PTPRD: variants seen among roughly 807,000 people sequenced by gnomAD.
PTPRD encodes the protein protein tyrosine phosphatase receptor type D.
Under a neutral mutation model 214.5 loss-of-function variants are expected in PTPRD, and 34 were observed. That is an observed-to-expected ratio of 0.16 (90% CI 0.12 to 0.21). The LOEUF (loss-of-function observed/expected upper bound fraction) is 0.21, where lower values mean the gene tolerates loss of function less well. Ranked by LOEUF, PTPRD falls within the 10% of genes least tolerant of loss-of-function variation. PTPRD has a pLI of 1.00. For synonymous variants in PTPRD, 1,128 were observed against 845.7 expected (o/e 1.33, Z -5.79); for missense variants, 2,545 against 2,398.7 (o/e 1.06, Z -1.27).
At chr9:8,372,696 T>C (rs775426870) in intron 39 of PTPRD, among the ~76,000 whole-genome samples, 10 of 152,060 alleles carry the variant, frequency 6.6e-5, no homozygotes, top group Non-Finnish European at 1.0e-4. Flanking sequence ...CTCCTTGACC[T>C]TCCAAGGCCT....
chr9:9,432,984 C>G (rs1054424341), intron 8 of PTPRD, among the ~76,000 whole-genome samples: 1 of 152,060 alleles, frequency 6.6e-6, no homozygotes, highest in Non-Finnish European at 1.5e-5. Context: ...GAAATAGTCA[C>G]TGTGGTAGAA....
At chr9:10,043,499 G>A (rs2097333066) in intron 3 of PTPRD, among the ~76,000 whole-genome samples, 1 of 151,784 alleles carries the variant, frequency 6.6e-6, no homozygotes, top group African/African-American at 2.4e-5. Context: ...TTCTCTCAAT[G>A]AAACTCTATG....
At position 8,465,386 on chromosome 9, in the gene PTPRD, C is replaced by T. The variant is rs113135001; in HGVS notation, c.3714+80G>A. ...GAGAAATAATGAGGATGGATATACCCACAAATCCCCAAATAACCACATTCC... is the reference window on the plus strand; with the variant it reads ...GAGAAATAATGAGGATGGATATACCTACAAATCCCCAAATAACCACATTCC... On this transcript the variant is annotated intron_variant, in intron 32 of 45. Coordinates refer to ENST00000381196, the MANE Select transcript of PTPRD (RefSeq NM_002839.4). 956 of 1,324,150 alleles carry T rather than the reference C, an allele frequency of 7.2e-4. 7 individuals are homozygous for T. The African/African-American group carries it at 0.011, about 16-fold the overall frequency. The allele number at this position is 1,324,150 out of a possible 1,614,324, so 82.0% of individuals were successfully genotyped here. A position where few individuals can be genotyped will look rare whatever the true frequency, so the allele number is the denominator to read the frequency against.
intron 5 of PTPRD, among the ~76,000 whole-genome samples, chr9:9,924,842 T>A (rs1038126770): frequency 1.3e-5 from 2 of 152,114 alleles, no homozygotes; most frequent in East Asian, 1.9e-4. Flanking sequence ...CTACTTTTTA[T>A]GAAATTTGTT....
At chr9:10,415,757 G>T (rs930868498) in intron 2 of PTPRD, among the ~76,000 whole-genome samples, 4 of 151,868 alleles carry the variant, frequency 2.6e-5, no homozygotes, top group African/African-American at 9.7e-5. Context: ...AAAGAAGACA[G>T]ATCAGAGAAA....
chr9:9,711,959 C>G (rs1360913905), intron 7 of PTPRD, among the ~76,000 whole-genome samples: 1 of 152,146 alleles, frequency 6.6e-6, no homozygotes. Flanking sequence ...TCCCTGGGCA[C>G]AAATACTGTC....
intron 39 of PTPRD, among the ~76,000 whole-genome samples, chr9:8,374,114 CTGTG>C (rs6150905): frequency 0.11 from 15,298 of 142,698 alleles, 922 homozygotes; most frequent in Middle Eastern, 0.19. Context: ...ACACACGTGT[CTGTG>C]TGTGTGTGTG....
intron 5 of PTPRD, among the ~76,000 whole-genome samples, chr9:9,845,347 C>G (rs1009167684): frequency 1.3e-5 from 2 of 151,322 alleles, no homozygotes; most frequent in African/African-American, 2.4e-5. Flanking sequence ...CTTGAATGAT[C>G]TTGTCCACAA....
At chr9:9,248,914 T>C (rs766601027) in intron 9 of PTPRD, among the ~76,000 whole-genome samples, 11 of 152,054 alleles carry the variant, frequency 7.2e-5, no homozygotes, top group Non-Finnish European at 1.2e-4. Flanking sequence ...CACTCAGTAC[T>C]AGCTGGTAAA....
At chr9:8,918,549 G>A (rs2098803299) in intron 11 of PTPRD, among the ~76,000 whole-genome samples, 1 of 152,126 alleles carries the variant, frequency 6.6e-6, no homozygotes. Context: ...CACTACGAGA[G>A]AGAGAGTGTG....
At chr9:10,025,575 T>C (rs886881008) in intron 4 of PTPRD, among the ~76,000 whole-genome samples, 2 of 152,188 alleles carry the variant, frequency 1.3e-5, no homozygotes, top group Non-Finnish European at 2.9e-5. Flanking sequence ...TCTTGGTACA[T>C]ATAAAAGAGA....
At chr9:8,423,157 CAA>C (rs1257657993) in intron 35 of PTPRD, among the ~76,000 whole-genome samples, 2 of 152,076 alleles carry the variant, frequency 1.3e-5, no homozygotes, top group Non-Finnish European at 2.9e-5. Flanking sequence ...AGAATTTCAG[CAA>C]GAGAGAAAGA....
At chr9:8,760,942 G>A (rs1238424353) in intron 11 of PTPRD, among the ~76,000 whole-genome samples, 2 of 152,098 alleles carry the variant, frequency 1.3e-5, no homozygotes, top group Non-Finnish European at 2.9e-5. Flanking sequence ...CTGCATAATA[G>A]GAATAACATT....
At chr9:8,599,093 G>C (rs2094648031) in intron 14 of PTPRD, among the ~76,000 whole-genome samples, 1 of 152,014 alleles carries the variant, frequency 6.6e-6, no homozygotes, top group Non-Finnish European at 1.5e-5. Context: ...GTTCTCATGA[G>C]ACTTAATACG....
intron 2 of PTPRD, among the ~76,000 whole-genome samples, 173 bp downstream of exon 2, chr9:10,612,225 G>GA (rs1003488513): frequency 4.9e-4 from 51 of 105,116 alleles, no homozygotes; most frequent in African/African-American, 1.6e-3. Context: ...AAAAAAAAAA[G>GA]AAAAAAATGC....
In PTPRD at chr9:9,724,233, T is replaced by C. The variant is rs924297536; in HGVS notation, c.-287+10300A>G. On this transcript the variant is annotated intron_variant, in intron 7 of 45. Coordinates refer to ENST00000381196, the MANE Select transcript of PTPRD (RefSeq NM_002839.4). ...GTTGTCTCTGTTTCAATGTACCTGTTCTTTTTTAAAGGTTGCATCCAAAGT... is the reference window on the plus strand; with the variant it reads ...GTTGTCTCTGTTTCAATGTACCTGTCCTTTTTTAAAGGTTGCATCCAAAGT... Among the ~76,000 whole-genome samples the C allele has an allele frequency of 2.0e-5, 3 of 152,190 alleles. 1 individual carries two copies. The highest frequency in any genetic ancestry group is 4.4e-5 in the Non-Finnish European group (3 of 68,002).
At chr9:9,414,846 G>A (rs1371573285) in intron 8 of PTPRD, 1 of 152,128 alleles carries the variant, frequency 6.6e-6, no homozygotes, top group Non-Finnish European at 1.5e-5. Context: ...ATGGAAAGAG[G>A]GAGAGACATG....
At chr9:9,586,184 T>G (rs2091914864) in intron 7 of PTPRD, among the ~76,000 whole-genome samples, 2 of 151,976 alleles carry the variant, frequency 1.3e-5, no homozygotes, top group Non-Finnish European at 1.5e-5. Context: ...CTCTCATCTC[T>G]CATATTTCTT....
intron 3 of PTPRD, among the ~76,000 whole-genome samples, chr9:10,297,638 A>C (rs2095721331): frequency 6.6e-6 from 1 of 151,872 alleles, no homozygotes; most frequent in African/African-American, 2.4e-5. Flanking sequence ...AGGATAAAAT[A>C]ATGTGTGAAT....
Sources: allele counts gnomAD v4.1 joint callset (sites outside exome capture counted in the v4.1 genomes callset), GRCh38; gene constraint gnomAD v4.1.1; transcripts MANE v1.5; gene names NCBI Gene and HGNC (gene_info 2026-07-23, HGNC 2026-07-21).